The following CSMD1 variants were observed in gnomAD, a reference collection of about 807,000 sequenced individuals.
The protein encoded by CSMD1 is CUB and Sushi multiple domains 1.
CSMD1 carries 213 observed loss-of-function variants against 417.5 expected under a neutral mutation model. That is an observed-to-expected ratio of 0.51 (90% CI 0.46 to 0.57). CSMD1 has a LOEUF of 0.57. CSMD1 is among the 20% of genes least tolerant of loss of function. The pLI is 0.00. For synonymous variants in CSMD1, 2,862 were observed against 1,736.8 expected (o/e 1.65, Z -16.11); for missense variants, 6,923 against 4,529.7 (o/e 1.53, Z -15.17).
chr8:4,828,456 A>G (rs149540627), intron 1 of CSMD1, among the ~76,000 whole-genome samples: 1 of 152,176 alleles, frequency 6.6e-6, no homozygotes, highest in African/African-American at 2.4e-5. Flanking sequence ...CTCTCAGCCA[A>G]ATTCAGGGAG....
chr8:4,913,046 C>G (rs966806507), intron 1 of CSMD1, among the ~76,000 whole-genome samples: 1 of 152,144 alleles, frequency 6.6e-6, no homozygotes, highest in Non-Finnish European at 1.5e-5. Context: ...GCCTCGGCCT[C>G]CCAAACTGCT....
intron 1 of CSMD1, among the ~76,000 whole-genome samples, chr8:4,721,270 T>C (rs1584996952): frequency 6.6e-6 from 1 of 152,224 alleles, no homozygotes; most frequent in South Asian, 2.1e-4. Flanking sequence ...AGTATCATGT[T>C]TAACATATAG....
At chr8:3,197,436 T>C (rs1198380789) in intron 33 of CSMD1, among the ~76,000 whole-genome samples, 1 of 149,638 alleles carries the variant, frequency 6.7e-6, no homozygotes, top group Non-Finnish European at 1.5e-5. Flanking sequence ...CTGTTTAGAA[T>C]ATTTTTCTAT....
At chr8:4,936,968 T>C (rs1807661750) in intron 1 of CSMD1, among the ~76,000 whole-genome samples, 1 of 152,184 alleles carries the variant, frequency 6.6e-6, no homozygotes, top group South Asian at 2.1e-4. Context: ...CCTAGCACCT[T>C]AGCAGGCCAA....
intron 12 of CSMD1, among the ~76,000 whole-genome samples, chr8:3,455,298 T>C (rs912958259): frequency 3.9e-5 from 6 of 152,346 alleles, no homozygotes; most frequent in African/African-American, 1.4e-4. Flanking sequence ...ATCTGAAGCC[T>C]TCTTCTCTCA....
intron 2 of CSMD1, among the ~76,000 whole-genome samples, chr8:4,485,468 G>C (rs1328303228): frequency 6.6e-6 from 1 of 152,134 alleles, no homozygotes; most frequent in East Asian, 1.9e-4. Flanking sequence ...TCAAATATGT[G>C]TCTGGGCTGG....
intron 3 of CSMD1, among the ~76,000 whole-genome samples, chr8:4,174,485 A>G (rs1375944679): frequency 6.6e-6 from 1 of 151,578 alleles, no homozygotes; most frequent in Non-Finnish European, 1.5e-5. Flanking sequence ...AGGTTATTAA[A>G]TCTTTGAGAA....
At chr8:3,819,545 C>CAT (rs1801599134) in intron 5 of CSMD1, among the ~76,000 whole-genome samples, 4 of 67,568 alleles carry the variant, frequency 5.9e-5, no homozygotes, top group African/African-American at 1.9e-4. Flanking sequence ...CACACACACA[C>CAT]ACACACACAC....
Position 3,718,444 on chromosome 8 carries a change from G to A in CSMD1, c.932-9953C>T, listed in dbSNP as rs528935846. On this transcript the variant is annotated intron_variant, in intron 6 of 69. Coordinates refer to ENST00000635120, the MANE Select transcript of CSMD1 (RefSeq NM_033225.6). ...TGGTCAGGAAAATCATCCTCTGAAA[G>A]CCTGATGTTATAAGTCATCTTTTGC... Among the ~76,000 whole-genome samples, 7 of 152,268 alleles carry A rather than the reference G, an allele frequency of 4.6e-5. No individual in the cohort carries two copies. The East Asian group carries it at 1.2e-3, about 25-fold the overall frequency.
rs143528748 is a variant in CSMD1, at chr8:3,556,548, A to T, written c.1344+18397T>A. 4.1e-4 allele frequency among the ~76,000 whole-genome samples: 23 copies of T among 55,880 alleles called. 1 individual carries two copies. Among genetic ancestry groups the T allele is most frequent in the African/African-American group, 1.4e-3 (22 of 15,744 alleles). The allele number at this position is 55,880 out of a possible 152,430, so 36.7% of individuals were successfully genotyped here. On this transcript the variant is annotated intron_variant, in intron 10 of 69. Coordinates refer to ENST00000635120, the MANE Select transcript of CSMD1 (RefSeq NM_033225.6). ...CACACACACACACACACACACACAC[A>T]CACCCTCTCTCTCTTTCAGAAATGG...
At chr8:3,691,438 G>A (rs572771061) in intron 7 of CSMD1, among the ~76,000 whole-genome samples, 2 of 152,126 alleles carry the variant, frequency 1.3e-5, no homozygotes, top group Non-Finnish European at 2.9e-5. Context: ...ATGAAGAGAA[G>A]ATTGGCGCTT....
At chr8:3,170,137 A>G (rs1196648430) in intron 37 of CSMD1, among the ~76,000 whole-genome samples, 1 of 152,226 alleles carries the variant, frequency 6.6e-6, no homozygotes, top group Non-Finnish European at 1.5e-5. Context: ...GCAAAAGTAA[A>G]TTTGCTTTGC....
At chr8:3,987,129 C>T (rs1374268230) in intron 5 of CSMD1, among the ~76,000 whole-genome samples, 4 of 152,166 alleles carry the variant, frequency 2.6e-5, no homozygotes, top group Non-Finnish European at 5.9e-5. Context: ...AATGTATTTA[C>T]ACACACAGCG....
At chr8:4,956,516 C>T (rs375795899) in intron 1 of CSMD1, among the ~76,000 whole-genome samples, 32 of 147,888 alleles carry the variant, frequency 2.2e-4, no homozygotes, top group Admixed American at 2.7e-4. Flanking sequence ...CATATACACA[C>T]GTATTTTAAA....
chr8:3,307,618 T>C (rs1804977968), intron 25 of CSMD1, 77 bp downstream of exon 25: 2 of 1,443,284 alleles, frequency 1.4e-6, no homozygotes, highest in Non-Finnish European at 1.9e-6. Context: ...GGATATTTGG[T>C]GTACCACTAT....
At chr8:3,625,817 C>G (rs1166817073) in intron 7 of CSMD1, among the ~76,000 whole-genome samples, 1 of 151,992 alleles carries the variant, frequency 6.6e-6, no homozygotes, top group Admixed American at 6.6e-5. Flanking sequence ...ATCGCCTGCC[C>G]TAGGTTATTT....
At chr8:4,967,456 T>A (rs1397623524) in intron 1 of CSMD1, among the ~76,000 whole-genome samples, 13 of 152,190 alleles carry the variant, frequency 8.5e-5, no homozygotes, top group Non-Finnish European at 4.4e-5. Flanking sequence ...ATGTTAAGTC[T>A]ATTACCAGTG....
intron 11 of CSMD1, among the ~76,000 whole-genome samples, chr8:3,469,760 C>A (rs919881529): frequency 6.6e-6 from 1 of 152,172 alleles, no homozygotes; most frequent in South Asian, 2.1e-4. Context: ...TACAGAGCAC[C>A]GGATTCTTCA....
At chr8:3,548,698 A>ACACACACACACC (rs1194921077) in intron 10 of CSMD1, among the ~76,000 whole-genome samples, 3 of 149,288 alleles carry the variant, frequency 2.0e-5, no homozygotes, top group African/African-American at 7.4e-5. Context: ...ACACACACAC[A>ACACACACACACC]CACCATGGTT....
Sources: allele counts gnomAD v4.1 joint callset (sites outside exome capture counted in the v4.1 genomes callset), GRCh38; gene constraint gnomAD v4.1.1; transcripts MANE v1.5; gene names NCBI Gene and HGNC (gene_info 2026-07-23, HGNC 2026-07-21).